The following DIAPH2 variants were observed in gnomAD, a reference collection of about 807,000 sequenced individuals.
The protein encoded by DIAPH2 is protein diaphanous homolog 2.
Under a neutral mutation model 92.7 loss-of-function variants are expected in DIAPH2, and 35 were observed. That is an observed-to-expected ratio of 0.38 (90% CI 0.29 to 0.50). The LOEUF (loss-of-function observed/expected upper bound fraction) is 0.50. DIAPH2 is among the 20% of genes least tolerant of loss of function. The probability of loss-of-function intolerance (pLI) is 0.94; values close to 1 mark genes in which losing one functional copy is unlikely to be tolerated. For missense variants in DIAPH2, 701 were observed against 819.5 expected (o/e 0.86, Z 1.77); for synonymous variants, 301 against 280.4 (o/e 1.07, Z -0.73).
At position 96,911,733 on chromosome X, in the gene DIAPH2, C is replaced by T. The variant is rs576265173; in HGVS notation, c.588-595C>T. Among the ~76,000 whole-genome samples, 8 of 111,504 alleles carry T rather than the reference C, an allele frequency of 7.2e-5. 1 individual carries two copies. The South Asian group carries it at 3.0e-3, about 42-fold the overall frequency. On this transcript the variant is annotated intron_variant, in intron 5 of 26. Coordinates refer to ENST00000324765, the MANE Select transcript of DIAPH2 (RefSeq NM_006729.5). ...CTTCATTGCATCAAAGCAATTATTA[C>T]ATTTATTATATAGTTAGTTATTTGT...
intron 23 of DIAPH2, among the ~76,000 whole-genome samples, chrX:97,296,295 TC>T (rs1258087472): frequency 1.8e-5 from 2 of 111,862 alleles, no homozygotes; most frequent in East Asian, 5.6e-4. Flanking sequence ...ATAGGAATTT[TC>T]CCTACTACCC....
At chrX:96,795,092 C>T (rs1163777551) in intron 4 of DIAPH2, among the ~76,000 whole-genome samples, 1 of 111,850 alleles carries the variant, frequency 8.9e-6, no homozygotes, top group Non-Finnish European at 1.9e-5. Context: ...CAAGAAAAGT[C>T]ACATTCACAG....
intron 10 of DIAPH2, among the ~76,000 whole-genome samples, chrX:96,933,085 G>C (rs1473336241): frequency 9.1e-6 from 1 of 110,285 alleles, no homozygotes; most frequent in African/African-American, 3.3e-5. Flanking sequence ...GAACCTACAA[G>C]GATTCTCATA....
chrX:96,902,994 G>A (rs1309492960), intron 5 of DIAPH2, among the ~76,000 whole-genome samples: 2 of 110,976 alleles, frequency 1.8e-5, no homozygotes, highest in Non-Finnish European at 3.8e-5. Context: ...CTTTGTCTAC[G>A]TAGCTATCAC....
rs2071578142 is a variant in DIAPH2 at position 97,599,428 on chromosome X, A to G, written c.*111A>G. On this transcript the variant is annotated 3_prime_UTR_variant, in exon 27 of 27. Transcript: ENST00000324765. ...GAAAGGAAATAAGTGCATTTCTGCA[A>G]AGATCAAGATAAGCTGGATGAAGTA... is the stretch of plus-strand genomic sequence containing the variant. The G allele has an allele frequency of 6.6e-6, 3 of 457,285 alleles. No homozygotes were observed. The highest frequency in any genetic ancestry group is 1.1e-5 in the Non-Finnish European group (3 of 269,020). The allele number at this position is 457,285 out of a possible 1,213,427, so 37.7% of individuals were successfully genotyped here. A position where few individuals can be genotyped will look rare whatever the true frequency, so the allele number is the denominator to read the frequency against.
intron 26 of DIAPH2, among the ~76,000 whole-genome samples, chrX:97,551,360 C>T (rs2071217855): frequency 9.0e-6 from 1 of 110,921 alleles, no homozygotes; most frequent in Non-Finnish European, 1.9e-5. Flanking sequence ...GAGGCTGAGA[C>T]AGGTGGATCA....
At chrX:97,484,870 T>TG (rs773491943) in intron 26 of DIAPH2, among the ~76,000 whole-genome samples, 16 of 111,471 alleles carry the variant, frequency 1.4e-4, no homozygotes, top group Admixed American at 7.6e-4. Flanking sequence ...CACTCCAGCC[T>TG]GGTGACAGAG....
chrX:96,763,970 C>CTT (rs201674981), intron 4 of DIAPH2, among the ~76,000 whole-genome samples: 23 of 97,380 alleles, frequency 2.4e-4, no homozygotes, highest in East Asian at 6.4e-4. Context: ...TCTTACTCTT[C>CTT]TTTTTTTTTT....
intron 4 of DIAPH2, among the ~76,000 whole-genome samples, chrX:96,818,135 C>T (rs1196891757): frequency 1.8e-5 from 1 of 56,388 alleles, no homozygotes; most frequent in African/African-American, 1.0e-4. Context: ...CCCGCCAAAA[C>T]GCCCGGCTAA....
chrX:96,879,123 T>C (rs2065196748), intron 4 of DIAPH2, among the ~76,000 whole-genome samples: 1 of 111,953 alleles, frequency 8.9e-6, no homozygotes, highest in Admixed American at 9.5e-5. Flanking sequence ...GAGCTTATGT[T>C]TTAGCGCAGA....
chrX:97,078,614 G>A (rs1004736265), intron 19 of DIAPH2, among the ~76,000 whole-genome samples: 1 of 111,501 alleles, frequency 9.0e-6, no homozygotes, highest in Non-Finnish European at 1.9e-5. Context: ...TTAGAGCTGC[G>A]ACTAGAAATT....
At chrX:96,998,052 A>G (rs973314039) in intron 17 of DIAPH2, among the ~76,000 whole-genome samples, 50 of 111,977 alleles carry the variant, frequency 4.5e-4, no homozygotes, top group African/African-American at 1.6e-3. Context: ...GGGAGGCTAT[A>G]TTCGTAGTTA....
At chrX:96,695,895 C>T (rs1013084340) in intron 1 of DIAPH2, among the ~76,000 whole-genome samples, 41 of 111,775 alleles carry the variant, frequency 3.7e-4, no homozygotes, top group African/African-American at 1.2e-3. Flanking sequence ...TTCCTATCCT[C>T]ACTCATCACC....
intron 26 of DIAPH2, among the ~76,000 whole-genome samples, chrX:97,587,290 A>T (rs1205599686): frequency 9.0e-6 from 1 of 110,694 alleles, no homozygotes; most frequent in Non-Finnish European, 1.9e-5. Flanking sequence ...AAAAAAAAAA[A>T]AATGAGTGAC....
chrX:97,225,445 T>C (rs887756178), intron 22 of DIAPH2, among the ~76,000 whole-genome samples: 4 of 111,596 alleles, frequency 3.6e-5, no homozygotes, highest in Non-Finnish European at 7.5e-5. Context: ...AGCAAGTGAA[T>C]ATTATTTATA....
chrX:97,462,060 G>T (rs2068527898), intron 26 of DIAPH2, among the ~76,000 whole-genome samples: 1 of 111,365 alleles, frequency 9.0e-6, no homozygotes, highest in Admixed American at 9.5e-5. Context: ...TGAACCCTTT[G>T]GGATGTTATG....
chrX:97,169,416 C>T (rs1024003110), intron 22 of DIAPH2, among the ~76,000 whole-genome samples: 1 of 111,694 alleles, frequency 9.0e-6, no homozygotes, highest in Non-Finnish European at 1.9e-5. Flanking sequence ...ATCACTCTGT[C>T]TCCTGGTTTG....
chrX:96,849,445 C>T (rs146853666), intron 4 of DIAPH2, among the ~76,000 whole-genome samples: 284 of 112,254 alleles, frequency 2.5e-3, no homozygotes, highest in African/African-American at 8.5e-3. Context: ...GGATTACAGG[C>T]TTGAGGCAAT....
intron 23 of DIAPH2, among the ~76,000 whole-genome samples, chrX:97,304,062 G>A (rs1338534420): frequency 8.9e-6 from 1 of 111,954 alleles, no homozygotes; most frequent in Non-Finnish European, 1.9e-5. Context: ...TTTTTTAAAT[G>A]CATTGGCTAT....
Sources: gnomAD v4.1 joint callset for allele counts (sites outside exome capture counted in the v4.1 genomes callset) on GRCh38, gnomAD v4.1.1 for gene constraint, MANE v1.5 for transcripts, NCBI Gene and HGNC (gene_info 2026-07-23, HGNC 2026-07-21) for gene names.